STK3: variants seen among roughly 807,000 people sequenced by gnomAD.
STK3 encodes serine/threonine kinase 3, also known as serine/threonine-protein kinase 3.
In STK3, 41 loss-of-function variants were observed where a neutral mutation model predicts 58.0. The ratio of observed to expected loss-of-function variants is 0.71; its 90% CI spans 0.55 to 0.92. STK3 has a LOEUF of 0.92. Among genes scored for constraint, STK3 ranks in the 40% least tolerant of loss-of-function variants. The probability of loss-of-function intolerance (pLI) is 0.00; values close to 1 mark genes in which losing one functional copy is unlikely to be tolerated. For missense variants in STK3, 479 were observed against 602.7 expected (o/e 0.79, Z 2.15); for synonymous variants, 170 against 191.0 (o/e 0.89, Z 0.91).
At chr8:98,439,172 C>A (rs1297058149) in intron 1 of STK3, 2 of 152,198 alleles carry the variant, frequency 1.3e-5, no homozygotes, top group Admixed American at 1.3e-4. Flanking sequence ...AGTCTGGAAG[C>A]TCCATGGATA....
chr8:98,810,741 T>C (rs1310040061), intron 1 of STK3, among the ~76,000 whole-genome samples: 1 of 152,324 alleles, frequency 6.6e-6, no homozygotes, highest in South Asian at 2.1e-4. Flanking sequence ...CCAAATCTCA[T>C]GTTGAAATGT....
At chr8:98,421,135 T>C (rs932295062) in intron 3 of STK3, among the ~76,000 whole-genome samples, 3 of 152,198 alleles carry the variant, frequency 2.0e-5, no homozygotes, top group African/African-American at 7.2e-5. Context: ...TGAATTGTTC[T>C]GATCTGGGCA....
chr8:98,765,268 C>CT (rs1323068226), intron 3 of STK3, among the ~76,000 whole-genome samples: 5 of 151,712 alleles, frequency 3.3e-5, no homozygotes, highest in Non-Finnish European at 2.9e-5. Flanking sequence ...AGGAATGTAT[C>CT]TTTTTTTTTC....
intron 1 of STK3, among the ~76,000 whole-genome samples, chr8:98,803,778 A>T (rs1053006535): frequency 6.6e-6 from 1 of 152,132 alleles, no homozygotes; most frequent in Admixed American, 6.5e-5. Context: ...AGTTTTAAAA[A>T]ATTAGTCCAT....
upstream of STK3, among the ~76,000 whole-genome samples, chr8:98,391,892 T>C (rs894332702): frequency 2.0e-5 from 3 of 152,222 alleles, no homozygotes; most frequent in South Asian, 6.2e-4. Flanking sequence ...GGTAGTTTCC[T>C]GATGAATTTC....
the STK3 span, among the ~76,000 whole-genome samples, chr8:98,355,456 A>T: frequency 6.6e-6 from 1 of 152,214 alleles, no homozygotes; most frequent in Non-Finnish European, 1.5e-5. Context: ...TGCTTTAGTT[A>T]AGTACATTCC....
chr8:98,860,060 A>T (rs1836869940), intron 3 of STK3, among the ~76,000 whole-genome samples: 1 of 152,186 alleles, frequency 6.6e-6, no homozygotes, highest in Non-Finnish European at 1.5e-5. Context: ...ACTAACATGT[A>T]TTGAGTACCA....
intron 6 of STK3, among the ~76,000 whole-genome samples, chr8:98,610,802 A>C (rs2130198026): frequency 6.6e-6 from 1 of 152,336 alleles, no homozygotes; most frequent in East Asian, 1.9e-4. Flanking sequence ...TACCGGGCCT[A>C]GTGCCTATAA....
At chr8:98,647,037 T>C (rs1204517794) in intron 6 of STK3, among the ~76,000 whole-genome samples, 1 of 152,168 alleles carries the variant, frequency 6.6e-6, no homozygotes, top group Non-Finnish European at 1.5e-5. Flanking sequence ...GCACTACTGA[T>C]CTCACCTACC....
chr8:98,661,130 A>AAATTAC (rs1460380017), intron 6 of STK3, among the ~76,000 whole-genome samples: 1 of 151,432 alleles, frequency 6.6e-6, no homozygotes, highest in Non-Finnish European at 1.5e-5. Context: ...CCATAAGTAT[A>AAATTAC]AATTACAATT....
At chr8:98,716,401 A>G (rs1413033837) in intron 4 of STK3, among the ~76,000 whole-genome samples, 1 of 152,110 alleles carries the variant, frequency 6.6e-6, no homozygotes, top group Non-Finnish European at 1.5e-5. Flanking sequence ...ACTACAAAAA[A>G]AATTCTATTT....
intron 6 of STK3, among the ~76,000 whole-genome samples, chr8:98,629,830 T>C (rs932640529): frequency 6.6e-6 from 1 of 152,154 alleles, no homozygotes; most frequent in Non-Finnish European, 1.5e-5. Flanking sequence ...TTGAGTGCTT[T>C]TCGCATGCAA....
chr8:98,897,944 C>T (rs1838518335), intron 1 of STK3, among the ~76,000 whole-genome samples: 1 of 152,228 alleles, frequency 6.6e-6, no homozygotes, highest in Non-Finnish European at 1.5e-5. Context: ...CTTTAGGAAT[C>T]AAGAAATCAG....
At chr8:98,467,936 T>C (rs1288901837) in intron 10 of STK3, among the ~76,000 whole-genome samples, 6 of 152,198 alleles carry the variant, frequency 3.9e-5, no homozygotes, top group Non-Finnish European at 2.9e-5. Flanking sequence ...ACTATCTTCA[T>C]ATCATAAAAA....
At chr8:98,390,798 CCT>C (rs1168254297), upstream of STK3, among the ~76,000 whole-genome samples, 1 of 151,960 alleles carries the variant, frequency 6.6e-6, no homozygotes, top group African/African-American at 2.4e-5. Context: ...TTGACTCTTT[CCT>C]CTGTCACTCA....
intron 10 of STK3, among the ~76,000 whole-genome samples, chr8:98,499,485 A>G (rs1319329416): frequency 6.6e-6 from 1 of 152,176 alleles, no homozygotes; most frequent in East Asian, 1.9e-4. Flanking sequence ...AAGGAGTGGG[A>G]GGTGCATGAT....
chr8:98,783,589 T>A (rs1251302811), intron 1 of STK3, among the ~76,000 whole-genome samples: 4 of 152,188 alleles, frequency 2.6e-5, no homozygotes, highest in Admixed American at 6.5e-5. Flanking sequence ...CTGTGGAAAT[T>A]TCTTAAAATA....
At chr8:98,806,531 AACAAAGACAAAAGTC>A (rs1172113860) in intron 1 of STK3, among the ~76,000 whole-genome samples, 2 of 152,170 alleles carry the variant, frequency 1.3e-5, no homozygotes, top group African/African-American at 4.8e-5. Flanking sequence ...ATGCTAACTG[AACAAAGACAAAAGTC>A]ACTGGAGCTC....
chr8:98,708,117 C>T (rs1019176080), intron 4 of STK3, among the ~76,000 whole-genome samples: 9 of 149,660 alleles, frequency 6.0e-5, no homozygotes, highest in Admixed American at 6.7e-5. Flanking sequence ...CCAGCCTGGG[C>T]GACACAGCGA....
Sources: gnomAD v4.1 joint callset for allele counts (sites outside exome capture counted in the v4.1 genomes callset) on GRCh38, gnomAD v4.1.1 for gene constraint, MANE v1.5 for transcripts, NCBI Gene and HGNC (gene_info 2026-07-23, HGNC 2026-07-21) for gene names.